RNF43: variants seen among roughly 807,000 people sequenced by gnomAD.
RNF43 encodes the protein ring finger protein 43, also known as E3 ubiquitin-protein ligase RNF43.
Under a neutral mutation model 78.4 loss-of-function variants are expected in RNF43, and 37 were observed. The observed-to-expected ratio is 0.47, with a 90% CI of 0.36 to 0.62. RNF43 has a LOEUF of 0.62. RNF43 is among the 20% of genes least tolerant of loss of function. The pLI, the probability that RNF43 is intolerant of heterozygous loss-of-function variation, is 0.00. For missense variants in RNF43, 774 were observed against 1,007.9 expected, an observed-to-expected ratio of 0.77 and a Z score of 3.14; for synonymous variants, 347 against 395.0, an observed-to-expected ratio of 0.88 and a Z score of 1.44.
chr17:58,401,205 T>G (rs1973792604), intron 2 of RNF43, among the ~76,000 whole-genome samples: 1 of 152,230 alleles, frequency 6.6e-6, no homozygotes, highest in Admixed American at 6.5e-5. Context: ...TAGATCCTCA[T>G]GAAAGTCTTG....
intron 2 of RNF43, among the ~76,000 whole-genome samples, chr17:58,402,300 G>A (rs1168826078): frequency 1.3e-5 from 2 of 152,236 alleles, no homozygotes; most frequent in African/African-American, 4.8e-5. Context: ...TGGTTGTGAT[G>A]AAGGGATAGG....
At chr17:58,374,924 T>C (rs1008464784) in intron 2 of RNF43, among the ~76,000 whole-genome samples, 7 of 152,188 alleles carry the variant, frequency 4.6e-5, no homozygotes, top group Non-Finnish European at 7.3e-5. Flanking sequence ...CAGTGTTTGC[T>C]GTCTCTGGGA....
At position 58,415,509 on chromosome 17, in the gene RNF43, T is replaced by C. The variant is rs1184159805; in HGVS notation, c.69A>G (p.Ala23=). 1 of 1,612,822 alleles carries C rather than the reference T, an allele frequency of 6.2e-7. No homozygotes were observed. Among genetic ancestry groups the C allele is most frequent in the Non-Finnish European group, 8.5e-7 (1 of 1,180,028 alleles). ...GTACCAGTCCTGTGCGTCCAAAGCC[T>C]GCCTGCAGGGTAGCCATCAGCAGCC... ...WPWLLMATLQ[A]GFGRTGLVLA... Residue 23 remains alanine, a synonymous_variant, in exon 2 of 10, where the codon GCA becomes GCG. Transcript: ENST00000407977.
intron 2 of RNF43, among the ~76,000 whole-genome samples, chr17:58,412,251 A>G (rs1974036433): frequency 6.6e-6 from 1 of 152,152 alleles, no homozygotes; most frequent in East Asian, 1.9e-4. Context: ...AAACCTGCAA[A>G]AAGAGTTGGA....
rs1329600149 is a variant in RNF43 at position 58,354,478 on chromosome 17, G to A, written c.*465C>T. ...CCTTACTGTGGAGGGGCCAAAGCTG[G>A]TGTTCAGAGCTCACCCAAGGAGGGA... is the stretch of plus-strand genomic sequence containing the variant. On this transcript the variant is annotated 3_prime_UTR_variant, in exon 10 of 10. Transcript: ENST00000407977. The A allele has an allele frequency of 1.5e-5, 4 of 260,294 alleles. No individual in the cohort carries two copies. The highest frequency in any genetic ancestry group is 1.4e-4 in the Admixed American group (3 of 21,088). The allele number at this position is 260,294 out of a possible 1,614,324, so 16.1% of individuals were successfully genotyped here.
intron 2 of RNF43, among the ~76,000 whole-genome samples, chr17:58,378,495 G>A (rs997470669): frequency 2.6e-5 from 4 of 152,178 alleles, no homozygotes; most frequent in Non-Finnish European, 5.9e-5. Flanking sequence ...GGGCTCAAGT[G>A]ATCCTCCTGC....
In RNF43 at chr17:58,357,234, C is replaced by G. The variant is rs1972703091; in HGVS notation, c.2308+234G>C. 2 of 716,006 alleles carry G rather than the reference C, an allele frequency of 2.8e-6. No homozygotes were observed. Among genetic ancestry groups the G allele is most frequent in the Admixed American group, 2.0e-5 (1 of 50,002 alleles). The allele number at this position is 716,006 out of a possible 1,614,324, so 44.4% of individuals were successfully genotyped here. A position where few individuals can be genotyped will look rare whatever the true frequency, so the allele number is the denominator to read the frequency against. On this transcript the variant is annotated intron_variant, in intron 9 of 9. Transcript: ENST00000407977. This position sits in a 1 kb window ranked among gnomAD's most constrained non-coding sequence, Gnocchi z 4.5. ...TGATGCCTCAGCCACACCAGCACCT[C>G]CCTGGGACCTCCCTGTGATCTGCCA...
Position 58,356,886 on chromosome 17 carries a change from C to CTTT in RNF43, c.2308+579_2308+581dup, listed in dbSNP as rs150378896. 281 of 144,142 alleles carry CTTT rather than the reference C, an allele frequency of 1.9e-3. 12 individuals carry two copies. The highest frequency in any genetic ancestry group is 2.9e-3 in the African/African-American group (61 of 21,214). The allele number at this position is 144,142 out of a possible 1,614,324, so 8.9% of individuals were successfully genotyped here. Reference sequence around the variant, plus strand: ...ACCCCGGGGACCATTCCAAATGCCTCTTTTTTTTTTTTTTTTTTTTTTTTT... The same window carrying CTTT: ...ACCCCGGGGACCATTCCAAATGCCTCTTTTTTTTTTTTTTTTTTTTTTTTTTTT... On this transcript the variant is annotated intron_variant, in intron 9 of 9. Coordinates refer to ENST00000407977, the MANE Select transcript of RNF43 (RefSeq NM_017763.6).
chr17:58,368,296 C>T (rs1206103989), intron 3 of RNF43, among the ~76,000 whole-genome samples: 1 of 152,178 alleles, frequency 6.6e-6, no homozygotes, highest in Non-Finnish European at 1.5e-5. Flanking sequence ...GCCTGTAATC[C>T]CAGCATTTTG....
chr17:58,360,764 A>G lies in RNF43; in HGVS notation c.849+19T>C, dbSNP rs374448803. The G allele has an allele frequency of 3.7e-4, 590 of 1,600,320 alleles. No homozygotes were observed. The highest frequency in any genetic ancestry group is 4.4e-4 in the Non-Finnish European group (520 of 1,173,338). On this transcript the variant is annotated intron_variant, in intron 7 of 9. Coordinates refer to ENST00000407977, the MANE Select transcript of RNF43 (RefSeq NM_017763.6). This position sits in a 1 kb window ranked among gnomAD's most constrained non-coding sequence, Gnocchi z 4.3. The stretch of plus-strand genomic sequence containing the variant: ...CTCCCCAGTCTGGTCATGGAGGTGA[A>G]CCACAAGACCTGCCTTACCTGCCCC...
intron 2 of RNF43, among the ~76,000 whole-genome samples, chr17:58,404,535 T>C (rs1379782190): frequency 6.6e-6 from 1 of 152,224 alleles, no homozygotes; most frequent in Non-Finnish European, 1.5e-5. Flanking sequence ...TTACTAACTT[T>C]AGAGTAAAAT....
At chr17:58,392,843 T>C (rs1049144639) in intron 2 of RNF43, among the ~76,000 whole-genome samples, 65 of 152,264 alleles carry the variant, frequency 4.3e-4, no homozygotes, top group Non-Finnish European at 2.2e-4. Context: ...GTTGCTATTA[T>C]GGAGCAGCTG....
At chr17:58,411,565 T>C (rs1034142920) in intron 2 of RNF43, among the ~76,000 whole-genome samples, 8 of 152,156 alleles carry the variant, frequency 5.3e-5, no homozygotes, top group African/African-American at 1.9e-4. Context: ...GCTCCCATTG[T>C]AGGTCTGAAG....
chr17:58,360,769 A>G lies in RNF43; in HGVS notation c.849+14T>C, dbSNP rs1208880090. 1.2e-6 allele frequency: 2 copies of G among 1,602,998 alleles called. No homozygotes were observed. The highest frequency in any genetic ancestry group is 3.4e-5 in the Admixed American group (2 of 58,744). ...CAGTCTGGTCATGGAGGTGAACCACAAGACCTGCCTTACCTGCCCCTCAGA... is the reference window on the plus strand; with the variant it reads ...CAGTCTGGTCATGGAGGTGAACCACGAGACCTGCCTTACCTGCCCCTCAGA... On this transcript the variant is annotated intron_variant, in intron 7 of 9. Transcript: ENST00000407977. The surrounding 1 kb of genome is among the most constrained non-coding windows in gnomAD (Gnocchi z 4.3).
chr17:58,393,252 A>G (rs1483755282), intron 2 of RNF43, among the ~76,000 whole-genome samples: 1 of 152,176 alleles, frequency 6.6e-6, no homozygotes, highest in Admixed American at 6.5e-5. Context: ...TACTAAAAAT[A>G]CAAAAATTAG....
chr17:58,354,990 T>A lies in RNF43; in HGVS notation c.2309-4A>T, dbSNP rs897756969. ...TCCTCGAGTTCCTCCTCTGAGCCTG[T>A]ATTTAGAGAGCGGGGAGGAAAGAGG... On this transcript the variant is annotated splice_polypyrimidine_tract_variant and splice_region_variant and intron_variant, in intron 9 of 9. Transcript: ENST00000407977. 2.0e-5 allele frequency: 32 copies of A among 1,613,570 alleles called. No individual in the cohort carries two copies. The highest frequency in any genetic ancestry group is 2.6e-5 in the Non-Finnish European group (31 of 1,179,794).
chr17:58,383,523 T>C (rs557549000), intron 2 of RNF43, among the ~76,000 whole-genome samples: 3 of 152,066 alleles, frequency 2.0e-5, no homozygotes, highest in Admixed American at 6.5e-5. Context: ...GGCTGGTTTC[T>C]AAATCCTGGC....
chr17:58,398,305 T>C (rs1385493781), intron 2 of RNF43, among the ~76,000 whole-genome samples: 1 of 152,242 alleles, frequency 6.6e-6, no homozygotes. Context: ...AAGGATATCA[T>C]TATGGTCATT....
rs143329044 is a variant in RNF43 at position 58,414,955 on chromosome 17, T to G, written c.252+371A>C. Reference sequence around the variant, plus strand: ...AAAATCAACCTTCTTAGTGCTTACTTCAATTTAAACAGGATGTAAAATACA... The same window carrying G: ...AAAATCAACCTTCTTAGTGCTTACTGCAATTTAAACAGGATGTAAAATACA... On this transcript the variant is annotated intron_variant, in intron 2 of 9. Transcript: ENST00000407977. Among the ~76,000 whole-genome samples, 7 of 152,314 alleles carry G rather than the reference T, an allele frequency of 4.6e-5. No individual in the cohort carries two copies. The East Asian group carries it at 1.3e-3, about 29-fold the overall frequency.
Sources: gnomAD v4.1 joint callset for allele counts (sites outside exome capture counted in the v4.1 genomes callset) on GRCh38, gnomAD v4.1.1 for gene constraint, Gnocchi (gnomAD v3.1) non-coding constraint, MANE v1.5 for transcripts, NCBI Gene and HGNC (gene_info 2026-07-23, HGNC 2026-07-21) for gene names.